The following ARHGAP26 variants were observed in gnomAD, a reference collection of about 807,000 sequenced individuals.
ARHGAP26 encodes the protein rho GTPase-activating protein 26.
A neutral mutation model predicts 104.8 loss-of-function variants in ARHGAP26; 38 were observed. That is an observed-to-expected ratio of 0.36 (90% CI 0.28 to 0.48). The LOEUF is 0.48. ARHGAP26 is among the 20% of genes least tolerant of loss of function. The probability of loss-of-function intolerance (pLI) is 0.99; values close to 1 mark genes in which losing one functional copy is unlikely to be tolerated. For missense variants in ARHGAP26, 704 were observed against 947.9 expected (o/e 0.74, Z 3.38); for synonymous variants, 341 against 340.0 (o/e 1.00, Z -0.03).
chr5:142,932,259 T>A (rs1423803161), intron 11 of ARHGAP26, 134 bp downstream of exon 11: 9 of 738,626 alleles, frequency 1.2e-5, no homozygotes, highest in Non-Finnish European at 2.3e-6. Context: ...TGGTTTTTTA[T>A]TCCTAGGTTT....
At chr5:142,978,244 G>A (rs1009818964) in intron 11 of ARHGAP26, among the ~76,000 whole-genome samples, 27 of 152,284 alleles carry the variant, frequency 1.8e-4, no homozygotes, top group African/African-American at 6.3e-4. Context: ...GTCAAAGCAT[G>A]TCCTCTTTCC....
chr5:143,103,322 AG>A (rs1216467624), intron 17 of ARHGAP26: 1 of 786,544 alleles, frequency 1.3e-6, no homozygotes, highest in Non-Finnish European at 1.5e-6. Flanking sequence ...GTGGAGAAAT[AG>A]GAACGATTTT....
intron 20 of ARHGAP26, among the ~76,000 whole-genome samples, chr5:143,160,756 G>A (rs1348998101): frequency 1.3e-5 from 2 of 152,160 alleles, no homozygotes; most frequent in Non-Finnish European, 2.9e-5. Context: ...TGGGATTACA[G>A]GTGTGAGTCA....
intron 5 of ARHGAP26, among the ~76,000 whole-genome samples, chr5:142,887,321 C>T (rs1757859093): frequency 6.6e-6 from 1 of 152,152 alleles, no homozygotes; most frequent in Non-Finnish European, 1.5e-5. Context: ...ACTCTGTGAC[C>T]TAGGGCAAAT....
At chr5:143,081,847 A>C (rs963335929) in intron 17 of ARHGAP26, among the ~76,000 whole-genome samples, 1 of 152,094 alleles carries the variant, frequency 6.6e-6, no homozygotes, top group Non-Finnish European at 1.5e-5. Flanking sequence ...CCCCGTCTCT[A>C]CTAAAAATAC....
At chr5:142,882,277 TGAA>T (rs778907282) in intron 4 of ARHGAP26, among the ~76,000 whole-genome samples, 1 of 152,210 alleles carries the variant, frequency 6.6e-6, no homozygotes, top group African/African-American at 2.4e-5. Context: ...AGAGTTATTA[TGAA>T]GAAGAAGTGA....
At chr5:142,953,617 T>C (rs1342308118) in intron 11 of ARHGAP26, among the ~76,000 whole-genome samples, 1 of 152,214 alleles carries the variant, frequency 6.6e-6, no homozygotes, top group African/African-American at 2.4e-5. Context: ...CCTGTTACGC[T>C]GGTTCACTAT....
Position 142,955,610 on chromosome 5 carries a change from A to G in ARHGAP26, c.1107+23485A>G, listed in dbSNP as rs559118720. Among the ~76,000 whole-genome samples, 9 of 152,328 alleles carry G rather than the reference A, an allele frequency of 5.9e-5. No homozygotes were observed. In the East Asian group the frequency reaches 1.4e-3, roughly 23 times the overall value. ...ATATCACAAACCTCCCGCCTCAATCATTGTAGAAGAGCATGTCCTTATTTG... is the reference window on the plus strand; with the variant it reads ...ATATCACAAACCTCCCGCCTCAATCGTTGTAGAAGAGCATGTCCTTATTTG... On this transcript the variant is annotated intron_variant, in intron 11 of 22. Transcript: ENST00000645722.
At chr5:143,142,187 G>A (rs1253730513) in intron 19 of ARHGAP26, among the ~76,000 whole-genome samples, 6 of 137,390 alleles carry the variant, frequency 4.4e-5, no homozygotes, top group Non-Finnish European at 9.1e-5. Flanking sequence ...CCTAGGCTGT[G>A]GAGTGCAGTG....
intron 1 of ARHGAP26, among the ~76,000 whole-genome samples, chr5:142,869,221 T>C (rs1212805263): frequency 6.7e-6 from 1 of 149,956 alleles, no homozygotes; most frequent in East Asian, 1.9e-4. Flanking sequence ...TTTTTTTTTT[T>C]TTTGAGACAG....
At chr5:142,890,154 ATAT>A (rs1758414082) in intron 5 of ARHGAP26, among the ~76,000 whole-genome samples, 69 of 46,192 alleles carry the variant, frequency 1.5e-3, no homozygotes, top group African/African-American at 3.5e-3. Flanking sequence ...AAAAAAAAAT[ATAT>A]ATATATATAT....
At chr5:143,057,620 T>C (rs1478888250) in intron 16 of ARHGAP26, 22 bp from the exon 17 acceptor site, 2 of 1,602,848 alleles carry the variant, frequency 1.2e-6, no homozygotes, top group Admixed American at 3.4e-5. Context: ...GATAAGATAT[T>C]ACCTCCCTCC....
chr5:142,782,367 A>G (rs1597594239), intron 1 of ARHGAP26, among the ~76,000 whole-genome samples: 1 of 152,300 alleles, frequency 6.6e-6, no homozygotes, highest in African/African-American at 2.4e-5. Flanking sequence ...GACTGAATCT[A>G]TAAGAGTGAG....
At chr5:142,795,697 A>G (rs1271955504) in intron 1 of ARHGAP26, among the ~76,000 whole-genome samples, 2 of 152,192 alleles carry the variant, frequency 1.3e-5, no homozygotes, top group South Asian at 4.1e-4. Context: ...AGCCAGGAGG[A>G]TAATTTTTTC....
chr5:142,980,443 C>T lies in ARHGAP26; in HGVS notation c.1108-33637C>T, dbSNP rs181337347. Among the ~76,000 whole-genome samples, 182 of 150,002 alleles carry T rather than the reference C, an allele frequency of 1.2e-3. 3 individuals are homozygous for T. Among genetic ancestry groups the T allele is most frequent in the African/African-American group, 4.3e-3 (176 of 40,508 alleles). ...TTGCTTAGTTGCCCAGGCTGGAGTG[C>T]GGTGGTGCGATCTAGGCTCACTGCA... On this transcript the variant is annotated intron_variant, in intron 11 of 22. Transcript: ENST00000645722.
At position 143,225,131 on chromosome 5, in the gene ARHGAP26, T is replaced by C. The variant is rs1351519507; in HGVS notation, c.*2685T>C. ...GATGTGCATTCACATACTATTACGCTTCTCAAAGAGAGACCAACATCATGC... is the reference window on the plus strand; with the variant it reads ...GATGTGCATTCACATACTATTACGCCTCTCAAAGAGAGACCAACATCATGC... On this transcript the variant is annotated 3_prime_UTR_variant, in exon 23 of 23. Coordinates refer to ENST00000645722, the MANE Select transcript of ARHGAP26 (RefSeq NM_001135608.3). The C allele has an allele frequency of 1.4e-5, 3 of 219,516 alleles. No homozygotes were observed. Among genetic ancestry groups the C allele is most frequent in the Non-Finnish European group, 1.8e-5 (2 of 109,436 alleles). The allele number at this position is 219,516 out of a possible 1,614,324, so 13.6% of individuals were successfully genotyped here. A position where few individuals can be genotyped will look rare whatever the true frequency, so the allele number is the denominator to read the frequency against.
At position 142,923,247 on chromosome 5, in the gene ARHGAP26, T is replaced by C. The variant is rs539416827; in HGVS notation, c.1029-8800T>C. On this transcript the variant is annotated intron_variant, in intron 10 of 22. Coordinates refer to ENST00000645722, the MANE Select transcript of ARHGAP26 (RefSeq NM_001135608.3). ...CTGCCTGGTGAAATATGGAGTTTTA[T>C]TGGTTGAATATACCAGTTTATTTAC... is the stretch of plus-strand genomic sequence containing the variant. 2.5e-4 allele frequency among the ~76,000 whole-genome samples: 38 copies of C among 152,306 alleles called. No individual in the cohort carries two copies. The South Asian group carries it at 5.2e-3, about 21-fold the overall frequency.
rs193055766 is a variant in ARHGAP26, at chr5:142,889,434, G to A, written c.486+4035G>A. Among the ~76,000 whole-genome samples, 933 of 152,166 alleles carry A rather than the reference G, an allele frequency of 6.1e-3. 9 individuals carry two copies. The highest frequency in any genetic ancestry group is 0.021 in the African/African-American group (887 of 41,504). ...TTGAGACCAGCCTGGCCAACAAGGC[G>A]AAACCCTGTCTCTAGTGAAAATGCA... On this transcript the variant is annotated intron_variant, in intron 5 of 22. Transcript: ENST00000645722.
intron 1 of ARHGAP26, among the ~76,000 whole-genome samples, chr5:142,782,517 A>C (rs986772057): frequency 4.6e-5 from 7 of 152,160 alleles, no homozygotes; most frequent in African/African-American, 1.7e-4. Flanking sequence ...AGGTGATTCT[A>C]ATGTGCAGCA....
Sources: gnomAD v4.1 joint callset for allele counts (sites outside exome capture counted in the v4.1 genomes callset) on GRCh38, gnomAD v4.1.1 for gene constraint, MANE v1.5 for transcripts, NCBI Gene and HGNC (gene_info 2026-07-23, HGNC 2026-07-21) for gene names.